Variants in ALDH1A2 observed in about 807,000 individuals in gnomAD.
ALDH1A2 encodes retinal dehydrogenase 2.
A neutral mutation model predicts 60.3 loss-of-function variants in ALDH1A2; 27 were observed. That is an observed-to-expected ratio of 0.45 (90% CI 0.33 to 0.62). The LOEUF (loss-of-function observed/expected upper bound fraction) is 0.62. Ranked by LOEUF, ALDH1A2 falls within the 20% of genes least tolerant of loss-of-function variation. ALDH1A2 has a pLI of 0.02. For synonymous variants in ALDH1A2, 289 were observed against 232.4 expected, an observed-to-expected ratio of 1.24 and a Z score of -2.21; for missense variants, 581 against 643.8, an observed-to-expected ratio of 0.90 and a Z score of 1.06.
At chr15:58,024,153 T>C (rs1474320042) in intron 1 of ALDH1A2, among the ~76,000 whole-genome samples, 2 of 137,626 alleles carry the variant, frequency 1.5e-5, no homozygotes, top group Non-Finnish European at 3.4e-5. Flanking sequence ...ATTTGTAAAG[T>C]AATCACACAA....
Position 57,955,181 on chromosome 15 carries a change from C to T in ALDH1A2, c.*16G>A, listed in dbSNP as rs772617311. Reference sequence around the variant, plus strand: ...ACAGACGTGCAGGCTGGGCTTCATCCTCCTTCTTGGCCTTCTTAGGAGTTC... The same window carrying T: ...ACAGACGTGCAGGCTGGGCTTCATCTTCCTTCTTGGCCTTCTTAGGAGTTC... On this transcript the variant is annotated 3_prime_UTR_variant, in exon 13 of 13. Coordinates refer to ENST00000249750, the MANE Select transcript of ALDH1A2 (RefSeq NM_003888.4). 2.7e-5 allele frequency: 43 copies of T among 1,613,494 alleles called. 2 individuals are homozygous for T. In the South Asian group the frequency reaches 4.7e-4, roughly 18 times the overall value.
intron 9 of ALDH1A2, 123 bp from the exon 10 acceptor site, chr15:57,962,299 T>G: frequency 8.2e-7 from 1 of 1,213,128 alleles, no homozygotes; most frequent in Non-Finnish European, 1.2e-6. Context: ...AGTCAGATCA[T>G]ATAAAACTGC....
chr15:58,012,232 T>C (rs1440239281), intron 3 of ALDH1A2: 1 of 152,190 alleles, frequency 6.6e-6, no homozygotes, highest in African/African-American at 2.4e-5. Flanking sequence ...TAATTAATCA[T>C]CTTCTAGCAC....
At chr15:58,063,399 T>C (rs1897091741) in intron 1 of ALDH1A2, among the ~76,000 whole-genome samples, 1 of 152,180 alleles carries the variant, frequency 6.6e-6, no homozygotes, top group South Asian at 2.1e-4. Flanking sequence ...GTCCATTCTA[T>C]CTTGTTCACT....
chr15:58,036,957 G>A (rs534915456), intron 1 of ALDH1A2, among the ~76,000 whole-genome samples: 3 of 151,648 alleles, frequency 2.0e-5, no homozygotes, highest in South Asian at 2.1e-4. Context: ...TATTCAGCCG[G>A]CCTGATCAGC....
intron 4 of ALDH1A2, among the ~76,000 whole-genome samples, chr15:58,003,490 G>T (rs1895344077): frequency 6.6e-6 from 1 of 151,798 alleles, no homozygotes; most frequent in Non-Finnish European, 1.5e-5. Flanking sequence ...TATATGACCT[G>T]GGTAGTTTTT....
At chr15:58,014,122 C>A (rs531685975) in intron 2 of ALDH1A2, 55 bp downstream of exon 2, 3 of 1,614,006 alleles carry the variant, frequency 1.9e-6, no homozygotes, top group South Asian at 2.2e-5. Flanking sequence ...GTTTGCTGCT[C>A]TGCTGTTTGA....
chr15:58,031,888 C>A (rs1259977072), intron 1 of ALDH1A2, among the ~76,000 whole-genome samples: 2 of 152,050 alleles, frequency 1.3e-5, no homozygotes, highest in African/African-American at 4.8e-5. Flanking sequence ...GAAATAGGAA[C>A]ACTTTTACAC....
At chr15:58,027,012 G>C (rs1204638515) in intron 1 of ALDH1A2, among the ~76,000 whole-genome samples, 1 of 152,196 alleles carries the variant, frequency 6.6e-6, no homozygotes, top group East Asian at 1.9e-4. Flanking sequence ...GGACAGCTCT[G>C]AAGACAGCAG....
intron 7 of ALDH1A2, among the ~76,000 whole-genome samples, chr15:57,976,922 C>T (rs963601443): frequency 6.6e-6 from 1 of 152,154 alleles, no homozygotes; most frequent in African/African-American, 2.4e-5. Flanking sequence ...TCTCCAGCAT[C>T]TGTTGTTTCC....
intron 1 of ALDH1A2, among the ~76,000 whole-genome samples, chr15:58,014,762 A>C (rs758833276): frequency 1.1e-4 from 16 of 152,268 alleles, no homozygotes; most frequent in Non-Finnish European, 2.1e-4. Context: ...GTCCTGAACA[A>C]TGACTCTAAC....
intron 10 of ALDH1A2, 43 bp downstream of exon 10, chr15:57,961,969 C>A (rs760844561): frequency 1.2e-6 from 2 of 1,609,298 alleles, no homozygotes; most frequent in South Asian, 2.2e-5. Flanking sequence ...TAGAAATGAT[C>A]CCAAGAAAGA....
intron 1 of ALDH1A2, among the ~76,000 whole-genome samples, chr15:58,053,232 T>G (rs1170019718): frequency 1.3e-5 from 2 of 152,158 alleles, no homozygotes; most frequent in Non-Finnish European, 2.9e-5. Flanking sequence ...TTAAAATGCT[T>G]CTTCTAAGAG....
At chr15:58,058,757 A>G (rs546281382) in intron 1 of ALDH1A2, among the ~76,000 whole-genome samples, 244 of 152,308 alleles carry the variant, frequency 1.6e-3, no homozygotes, top group Admixed American at 4.1e-3. Context: ...GTGATGAGGA[A>G]GGGAAACAGA....
chr15:58,065,456 A>G, intron 1 of ALDH1A2, 78 bp downstream of exon 1: 1 of 1,271,696 alleles, frequency 7.9e-7, no homozygotes, highest in Non-Finnish European at 1.2e-6. Flanking sequence ...CGCAGCCCTC[A>G]CCCGCTGAAG....
chr15:58,042,624 A>C (rs1180090225), intron 1 of ALDH1A2, among the ~76,000 whole-genome samples: 1 of 151,986 alleles, frequency 6.6e-6, no homozygotes, highest in East Asian at 1.9e-4. Flanking sequence ...CTCTCAATCT[A>C]CAGTGAATAC....
chr15:57,963,534 A>T (rs1812889), intron 9 of ALDH1A2, among the ~76,000 whole-genome samples: 1 of 151,244 alleles, frequency 6.6e-6, no homozygotes, highest in Non-Finnish European at 1.5e-5. Flanking sequence ...TAGTAGAGAC[A>T]GGGTTTCACC....
intron 1 of ALDH1A2, among the ~76,000 whole-genome samples, chr15:58,037,011 C>T (rs1336182694): frequency 6.6e-6 from 1 of 151,628 alleles, no homozygotes; most frequent in African/African-American, 2.4e-5. Context: ...TCTGATACCC[C>T]GATTTAAGAA....
intron 4 of ALDH1A2, among the ~76,000 whole-genome samples, chr15:58,003,612 C>T (rs16939647): frequency 0.014 from 2,128 of 151,904 alleles, 25 homozygotes; most frequent in African/African-American, 0.033. Flanking sequence ...ACACTTGCTA[C>T]AGAGAAAAAT....
Sources: gnomAD v4.1 joint callset for allele counts (sites outside exome capture counted in the v4.1 genomes callset) on GRCh38, gnomAD v4.1.1 for gene constraint, MANE v1.5 for transcripts, NCBI Gene and HGNC (gene_info 2026-07-23, HGNC 2026-07-21) for gene names.